PER3: variants seen among roughly 807,000 people sequenced by gnomAD.
PER3 encodes period circadian protein homolog 3.
A neutral mutation model predicts 127.2 loss-of-function variants in PER3; 107 were observed. The observed-to-expected ratio is 0.84, with a 90% confidence interval of 0.72 to 0.99. The LOEUF (loss-of-function observed/expected upper bound fraction) is 0.99, where lower values mean the gene tolerates loss of function less well. Ranked by LOEUF, PER3 falls within the 50% of genes least tolerant of loss-of-function variation. PER3 has a pLI of 0.00. For missense variants in PER3, 1,560 were observed against 1,525.8 expected (o/e 1.02, Z -0.37); for synonymous variants, 618 against 585.8 (o/e 1.05, Z -0.79).
In PER3 at chr1:7,837,141, G is replaced by A. The variant is rs1322419207; in HGVS notation, c.3541G>A (p.Asp1181Asn). ...AAGCCAGACTGTCACTCAAGAAATC[G>A]ACATTCAAGTAAGCACAGTAATAAT... ...IQSQTVTQEI[D>N]IQACVTCENE... Residue 1181 changes from aspartate to asparagine, a missense_variant, in exon 21 of 22, where the codon GAC becomes AAC. Around this residue, in one of 3 missense-constraint regions of PER3, gnomAD observed 199 missense variants for 198.6 expected, o/e 1.00. Transcript: ENST00000377532. 11 of 1,613,052 alleles carry A rather than the reference G, an allele frequency of 6.8e-6. No individual in the cohort carries two copies. Among genetic ancestry groups the A allele is most frequent in the African/African-American group, 1.3e-5 (1 of 75,006 alleles).
At chr1:7,804,015 A>C in intron 10 of PER3, 167 bp downstream of exon 10, 1 of 529,100 alleles carries the variant, frequency 1.9e-6, no homozygotes, top group East Asian at 3.0e-5. Flanking sequence ...TGAGCCTTAA[A>C]AGAAGTCATA....
intron 10 of PER3, among the ~76,000 whole-genome samples, chr1:7,807,393 A>G (rs2097199648): frequency 1.3e-5 from 2 of 152,168 alleles, no homozygotes; most frequent in African/African-American, 4.8e-5. Flanking sequence ...ACGTGGAGAT[A>G]TTCCTGACTG....
chr1:7,822,666 T>G (rs796325845), intron 16 of PER3, among the ~76,000 whole-genome samples: 1 of 151,922 alleles, frequency 6.6e-6, no homozygotes, highest in Non-Finnish European at 1.5e-5. Context: ...AGGAATAGAT[T>G]AACAAAAAAG....
intron 19 of PER3, among the ~76,000 whole-genome samples, chr1:7,832,071 G>T (rs1384763081): frequency 6.6e-6 from 1 of 151,714 alleles, no homozygotes; most frequent in African/African-American, 2.4e-5. Flanking sequence ...AATATATATG[G>T]GTCTAATCAG....
At chr1:7,836,101 G>A (rs1343490569) in intron 20 of PER3, among the ~76,000 whole-genome samples, 156 bp downstream of exon 20, 1 of 151,890 alleles carries the variant, frequency 6.6e-6, no homozygotes, top group Non-Finnish European at 1.5e-5. Context: ...GGGTTCAAGC[G>A]ATTCTTCTGC....
At chr1:7,795,772 A>G (rs1312106245) in intron 6 of PER3, among the ~76,000 whole-genome samples, 2 of 152,198 alleles carry the variant, frequency 1.3e-5, no homozygotes, top group East Asian at 3.8e-4. Flanking sequence ...TACTTTGGGA[A>G]TTTTCAAACA....
At chr1:7,841,370 G>A (rs2097387278) in intron 21 of PER3, among the ~76,000 whole-genome samples, 1 of 151,680 alleles carries the variant, frequency 6.6e-6, no homozygotes, top group South Asian at 2.1e-4. Flanking sequence ...CCCTTTCCCA[G>A]GGCTTATTGA....
chr1:7,815,817 C>T (rs1242115138), intron 13 of PER3, among the ~76,000 whole-genome samples: 1 of 147,276 alleles, frequency 6.8e-6, no homozygotes, highest in Non-Finnish European at 1.5e-5. Context: ...AACTCTGTCT[C>T]GACTAAAAAT....
At chr1:7,831,563 C>A (rs115048829) in intron 19 of PER3, among the ~76,000 whole-genome samples, 1,598 of 152,194 alleles carry the variant, frequency 0.01, 35 homozygotes, top group African/African-American at 0.036. Context: ...CCATTAAGTA[C>A]GATGTTAAGT....
intron 3 of PER3, 92 bp from the exon 4 acceptor site, chr1:7,786,629 C>T (rs1042840835): frequency 2.5e-5 from 18 of 706,316 alleles, no homozygotes; most frequent in Admixed American, 4.7e-5. Flanking sequence ...TGTTCTCATC[C>T]GAAAAAAATA....
At chr1:7,800,174 T>C (rs999643861) in intron 7 of PER3, among the ~76,000 whole-genome samples, 1 of 151,920 alleles carries the variant, frequency 6.6e-6, no homozygotes, top group Non-Finnish European at 1.5e-5. Context: ...AAATGAGATA[T>C]TAGCATTTGC....
intron 13 of PER3, among the ~76,000 whole-genome samples, chr1:7,816,631 C>G (rs1447575834): frequency 6.7e-6 from 1 of 149,016 alleles, no homozygotes; most frequent in Admixed American, 6.6e-5. Flanking sequence ...TGAGATAACA[C>G]CACACATCTG....
chr1:7,829,944 GTCCACA>G lies in PER3; in HGVS notation c.2998_3003del (p.Ser1000_Thr1001del). 3 of 1,269,796 alleles carry G rather than the reference GTCCACA, an allele frequency of 2.4e-6. No homozygotes were observed. Among genetic ancestry groups the G allele is most frequent in the South Asian group, 1.8e-5 (1 of 56,074 alleles). The allele number at this position is 1,269,796 out of a possible 1,614,324, so 78.7% of individuals were successfully genotyped here. On this transcript the variant is annotated inframe_deletion, in exon 19 of 22. Coordinates refer to ENST00000377532, the MANE Select transcript of PER3 (RefSeq NM_001377275.1). ...CATCCCATCCTACTGCCAGCGCTCTGTCCACAGGATCGCCTCCCATGAAGAATCCAT... is the reference window on the plus strand; with the variant it reads ...CATCCCATCCTACTGCCAGCGCTCTGGGATCGCCTCCCATGAAGAATCCAT...
At chr1:7,818,567 C>A (rs1428656945) in intron 13 of PER3, among the ~76,000 whole-genome samples, 1 of 152,174 alleles carries the variant, frequency 6.6e-6, no homozygotes, top group African/African-American at 2.4e-5. Context: ...CTTTTTCAGT[C>A]TCCTTTATTG....
intron 5 of PER3, among the ~76,000 whole-genome samples, chr1:7,792,354 C>T (rs2097125797): frequency 6.6e-6 from 1 of 152,144 alleles, no homozygotes; most frequent in Non-Finnish European, 1.5e-5. Context: ...TCAGTTACCT[C>T]CCACCAGGTC....
chr1:7,806,364 G>A (rs2097192588), intron 10 of PER3, among the ~76,000 whole-genome samples: 1 of 152,248 alleles, frequency 6.6e-6, no homozygotes, highest in African/African-American at 2.4e-5. Flanking sequence ...CTGCAGCCAA[G>A]TTTTCTCTCT....
intron 14 of PER3, 133 bp downstream of exon 14, chr1:7,819,553 G>T: frequency 1.3e-6 from 1 of 758,008 alleles, no homozygotes. Context: ...CGTTTATGGC[G>T]TGCCTAACAC....
At chr1:7,840,046 A>G (rs759439669) in intron 21 of PER3, among the ~76,000 whole-genome samples, 1 of 151,972 alleles carries the variant, frequency 6.6e-6, no homozygotes, top group Non-Finnish European at 1.5e-5. Context: ...CATGTCCTCC[A>G]GGCCCTGTTG....
At chr1:7,821,387 GGA>G (rs892287374) in intron 16 of PER3, among the ~76,000 whole-genome samples, 30 of 152,226 alleles carry the variant, frequency 2.0e-4, no homozygotes, top group African/African-American at 7.0e-4. Flanking sequence ...CCTGTGAGAT[GGA>G]GAGTGTGGTA....
Sources: allele counts gnomAD v4.1 joint callset (sites outside exome capture counted in the v4.1 genomes callset), GRCh38; gene constraint gnomAD v4.1.1; regional missense constraint gnomAD v4.1.1; transcripts MANE v1.5; gene names NCBI Gene and HGNC (gene_info 2026-07-23, HGNC 2026-07-21).